The following RIMOC1 variants were observed in gnomAD, a reference collection of about 807,000 sequenced individuals.
The protein encoded by RIMOC1 is RAB7A interacting MON1-CCZ1 complex subunit 1.
the RIMOC1 span, chr5:41,917,784 G>A: frequency 4.5e-6 from 4 of 892,638 alleles, no homozygotes; most frequent in Non-Finnish European, 5.4e-6. Context: ...CTAATATTCA[G>A]ATTCCATTTT....
chr5:41,911,007 C>A, the RIMOC1 span: 3 of 1,588,500 alleles, frequency 1.9e-6, no homozygotes, highest in South Asian at 1.2e-5. Flanking sequence ...TATAGACATC[C>A]AGTTTCCCTT....
chr5:41,906,392 A>C, the RIMOC1 span, among the ~76,000 whole-genome samples: 4 of 152,166 alleles, frequency 2.6e-5, no homozygotes, highest in African/African-American at 9.7e-5. Flanking sequence ...TGCCACCACC[A>C]CACCCCTGCC....
the RIMOC1 span, chr5:41,919,990 T>C: frequency 6.6e-6 from 1 of 152,198 alleles, no homozygotes; most frequent in Admixed American, 6.5e-5. Context: ...TGCCAAACTT[T>C]GCACAAAAAG....
the RIMOC1 span, chr5:41,919,764 T>C: frequency 6.6e-6 from 1 of 152,206 alleles, no homozygotes; most frequent in African/African-American, 2.4e-5. Context: ...TCTGTTTTCA[T>C]AGGCTTTTTA....
At chr5:41,907,978 T>TTTTGTCCAA in the RIMOC1 span, 1 of 627,822 alleles carries the variant, frequency 1.6e-6, no homozygotes, top group Non-Finnish European at 2.7e-6. Flanking sequence ...AAACTATGAA[T>TTTTGTCCAA]AAAACACAAA....
chr5:41,912,076 T>C, the RIMOC1 span: 2 of 1,592,952 alleles, frequency 1.3e-6, no homozygotes, highest in Admixed American at 1.7e-5. Context: ...TAGTACCTTC[T>C]TGATGGAATC....
the RIMOC1 span, among the ~76,000 whole-genome samples, chr5:41,911,670 G>A: frequency 1.3e-5 from 2 of 152,258 alleles, no homozygotes; most frequent in East Asian, 1.9e-4. Flanking sequence ...CTTGAAATGC[G>A]AGGCCACACT....
chr5:41,919,643 T>C, the RIMOC1 span: 1 of 152,210 alleles, frequency 6.6e-6, no homozygotes, highest in African/African-American at 2.4e-5. Context: ...CTTCCCTAAA[T>C]GCGCTTTGTG....
chr5:41,918,033 A>AACT, the RIMOC1 span: 8 of 985,518 alleles, frequency 8.1e-6, no homozygotes, highest in Non-Finnish European at 9.6e-6. Flanking sequence ...ATCTTTTCAT[A>AACT]ACATACTGAA....
the RIMOC1 span, chr5:41,909,901 T>C: frequency 6.4e-7 from 1 of 1,562,298 alleles, no homozygotes; most frequent in South Asian, 1.2e-5. Context: ...AAGTAAGTTT[T>C]ACATTCCTGT....
At chr5:41,917,406 C>G in the RIMOC1 span, 1 of 1,436,024 alleles carries the variant, frequency 7.0e-7, no homozygotes, top group Non-Finnish European at 9.1e-7. Flanking sequence ...GAACATTACA[C>G]TGCATAAAGA....
At chr5:41,916,987 T>A in the RIMOC1 span, 1 of 1,540,366 alleles carries the variant, frequency 6.5e-7, no homozygotes, top group African/African-American at 1.4e-5. Flanking sequence ...CTTTTAATTC[T>A]AATCTGTCAA....
chr5:41,909,845 C>G, the RIMOC1 span: 1 of 1,581,338 alleles, frequency 6.3e-7, no homozygotes, highest in Admixed American at 1.9e-5. Context: ...GATTAGTTTT[C>G]TTTCAGAACC....
At chr5:41,917,191 A>G in the RIMOC1 span, 1 of 1,613,884 alleles carries the variant, frequency 6.2e-7, no homozygotes, top group Non-Finnish European at 8.5e-7. Context: ...TAGGAGAAAA[A>G]ATCTTGAAAA....
At chr5:41,911,259 GT>G in the RIMOC1 span, 1 of 1,331,298 alleles carries the variant, frequency 7.5e-7, no homozygotes, top group Non-Finnish European at 1.0e-6. Flanking sequence ...ACTACTAAGA[GT>G]AGTGGATCAA....
the RIMOC1 span, among the ~76,000 whole-genome samples, chr5:41,910,077 T>C: frequency 2.6e-5 from 4 of 152,126 alleles, no homozygotes; most frequent in African/African-American, 9.7e-5. Context: ...TTTTACTAAA[T>C]GTATTTCAGA....
chr5:41,913,113 T>C, the RIMOC1 span, among the ~76,000 whole-genome samples: 1 of 152,322 alleles, frequency 6.6e-6, no homozygotes, highest in East Asian at 1.9e-4. Flanking sequence ...TTCCTGGAGC[T>C]CCTTCAATCT....
chr5:41,917,675 A>G, the RIMOC1 span: 3 of 969,132 alleles, frequency 3.1e-6, no homozygotes, highest in East Asian at 2.2e-4. Flanking sequence ...AAATCTCACT[A>G]CCTTGAAGTT....
the RIMOC1 span, among the ~76,000 whole-genome samples, chr5:41,914,273 A>G: frequency 6.6e-6 from 1 of 152,118 alleles, no homozygotes; most frequent in African/African-American, 2.4e-5. Context: ...AGCATTTTCC[A>G]GGCAAAAAGA....
Sources: gnomAD v4.1 joint callset for allele counts (sites outside exome capture counted in the v4.1 genomes callset) on GRCh38, gnomAD v4.1.1 for gene constraint, MANE v1.5 for transcripts, NCBI Gene and HGNC (gene_info 2026-07-23, HGNC 2026-07-21) for gene names.